The following BCAS3 variants were observed in gnomAD, a reference collection of about 807,000 sequenced individuals.
BCAS3 encodes the protein BCAS4/BCAS3 fusion.
Under a neutral mutation model 116.1 loss-of-function variants are expected in BCAS3, and 53 were observed. The observed-to-expected ratio is 0.46, with a 90% CI of 0.37 to 0.57. The LOEUF (loss-of-function observed/expected upper bound fraction) is 0.57, where lower values mean the gene tolerates loss of function less well. BCAS3 is among the 20% of genes least tolerant of loss of function. BCAS3 has a pLI of 0.00. For synonymous variants in BCAS3, 391 were observed against 408.2 expected (o/e 0.96, Z 0.51); for missense variants, 917 against 1,165.4 (o/e 0.79, Z 3.10).
At position 61,029,819 on chromosome 17, in the gene BCAS3, C is replaced by G. The variant is rs572151593; in HGVS notation, c.1638-4847C>G. Reference sequence around the variant, plus strand: ...AGTTTTGATCAAGCTATAAACAGTTCATGTAAACTAATCTTGTTCTCTTAA... The same window carrying G: ...AGTTTTGATCAAGCTATAAACAGTTGATGTAAACTAATCTTGTTCTCTTAA... On this transcript the variant is annotated intron_variant, in intron 16 of 23. Transcript: ENST00000407086. This position sits in a 1 kb window ranked among gnomAD's most constrained non-coding sequence, Gnocchi z 5.2. Among the ~76,000 whole-genome samples, 7 of 151,968 alleles carry G rather than the reference C, an allele frequency of 4.6e-5. No individual in the cohort carries two copies. The highest frequency in any genetic ancestry group is 1.4e-4 in the African/African-American group (6 of 41,512).
chr17:61,086,553 T>C (rs955142191), intron 22 of BCAS3: 5 of 370,314 alleles, frequency 1.4e-5, no homozygotes, highest in Non-Finnish European at 1.9e-5. Flanking sequence ...AATAATCTGA[T>C]ATGTAAGTAG....
rs2054789267 is a variant in BCAS3 at position 61,316,865 on chromosome 17, T to TC, written c.2426-51458dup. ...CAGTTGCAATTTATGTTTAGCGGTTTCCCCACTAAGGAATTCCTCGTGTAT... is the reference window on the plus strand; with the variant it reads ...CAGTTGCAATTTATGTTTAGCGGTTTCCCCCACTAAGGAATTCCTCGTGTAT... On this transcript the variant is annotated intron_variant, in intron 22 of 23. Transcript: ENST00000407086. The surrounding 1 kb of genome is among the most constrained non-coding windows in gnomAD (Gnocchi z 5.8). Among the ~76,000 whole-genome samples, 2 of 152,300 alleles carry TC rather than the reference T, an allele frequency of 1.3e-5. No individual in the cohort carries two copies. The highest frequency in any genetic ancestry group is 4.8e-5 in the African/African-American group (2 of 41,566).
rs751530674 is a variant in BCAS3, at chr17:61,380,581, G to A, written c.2594-11396G>A. ...GCAGTGAAGTGTTTTGGTATGTAAC[G>A]TCCTATCTTTGCCTATGTGGAAGGG... On this transcript the variant is annotated intron_variant, in intron 23 of 23. Coordinates refer to ENST00000407086, the MANE Select transcript of BCAS3 (RefSeq NM_017679.5). The surrounding 1 kb of genome is among the most constrained non-coding windows in gnomAD (Gnocchi z 4.2). 11 of 1,596,718 alleles carry A rather than the reference G, an allele frequency of 6.9e-6. No individual in the cohort carries two copies. The Admixed American group carries it at 1.0e-4, about 15-fold the overall frequency.
rs981067012 is a variant in BCAS3, at chr17:61,278,323, G to T, written c.2426-90004G>T. Among the ~76,000 whole-genome samples the T allele has an allele frequency of 6.6e-6, 1 of 152,180 alleles. No individual in the cohort carries two copies. The highest frequency in any genetic ancestry group is 2.4e-5 in the African/African-American group (1 of 41,434). On this transcript the variant is annotated intron_variant, in intron 22 of 23. Coordinates refer to ENST00000407086, the MANE Select transcript of BCAS3 (RefSeq NM_017679.5). The surrounding 1 kb of genome is among the most constrained non-coding windows in gnomAD (Gnocchi z 5.8). Reference sequence around the variant, plus strand: ...CTCAAAGTGCTGGGATTACAGGCATGAGCCACCGTTCCCAGATAATTTTTG... The same window carrying T: ...CTCAAAGTGCTGGGATTACAGGCATTAGCCACCGTTCCCAGATAATTTTTG...
Position 61,282,956 on chromosome 17 carries a change from T to C in BCAS3, c.2426-85371T>C, listed in dbSNP as rs1226622110. On this transcript the variant is annotated intron_variant, in intron 22 of 23. Transcript: ENST00000407086. The surrounding 1 kb of genome is among the most constrained non-coding windows in gnomAD (Gnocchi z 5.9). ...TTGTATATTATATATAATACATATT[T>C]TATATTTTTATATATAAATTTTTTT... 1.3e-5 allele frequency among the ~76,000 whole-genome samples: 2 copies of C among 150,148 alleles called. No individual in the cohort carries two copies. The highest frequency in any genetic ancestry group is 4.9e-5 in the African/African-American group (2 of 41,140).
chr17:60,909,828 A>G (rs2058393201), intron 11 of BCAS3, among the ~76,000 whole-genome samples: 1 of 152,194 alleles, frequency 6.6e-6, no homozygotes, highest in South Asian at 2.1e-4. Flanking sequence ...TGGAGCTAAA[A>G]TGTAATTATA....
At position 61,023,241 on chromosome 17, in the gene BCAS3, A is replaced by G. The variant is rs1231247768; in HGVS notation, c.1637+7340A>G. ...ATTAGCATCCCTAGAATTTATTTTT[A>G]GAGAAATATGGCTCTGCTTCAATAT... On this transcript the variant is annotated intron_variant, in intron 16 of 23. Transcript: ENST00000407086. The surrounding 1 kb of genome is among the most constrained non-coding windows in gnomAD (Gnocchi z 4.8). 6.6e-6 allele frequency among the ~76,000 whole-genome samples: 1 copy of G among 152,224 alleles called. No homozygotes were observed. Among genetic ancestry groups the G allele is most frequent in the African/African-American group, 2.4e-5 (1 of 41,464 alleles).
Position 61,056,287 on chromosome 17 carries a change from C to T in BCAS3, c.2029+15395C>T, listed in dbSNP as rs7223125. ...GTGTCAACTGAAGGACAGCCTTCCGCGAGTTGGAGTCTTGACCACCAGTAA... is the reference window on the plus strand; with the variant it reads ...GTGTCAACTGAAGGACAGCCTTCCGTGAGTTGGAGTCTTGACCACCAGTAA... On this transcript the variant is annotated intron_variant, in intron 19 of 23. Coordinates refer to ENST00000407086, the MANE Select transcript of BCAS3 (RefSeq NM_017679.5). This position sits in a 1 kb window ranked among gnomAD's most constrained non-coding sequence, Gnocchi z 4.9. 0.041 allele frequency among the ~76,000 whole-genome samples: 6,280 copies of T among 152,164 alleles called. 463 individuals are homozygous for T. The highest frequency in any genetic ancestry group is 0.14 in the African/African-American group (5,905 of 41,478).
In BCAS3 at chr17:61,051,489, G is replaced by C. The variant is rs1240699554; in HGVS notation, c.2029+10597G>C. The stretch of plus-strand genomic sequence containing the variant: ...TCATTATATCTGAATAAAGTCTCTG[G>C]ATTGTATCAATGGTGATTTTCTGAT... On this transcript the variant is annotated intron_variant, in intron 19 of 23. Coordinates refer to ENST00000407086, the MANE Select transcript of BCAS3 (RefSeq NM_017679.5). The surrounding 1 kb of genome is among the most constrained non-coding windows in gnomAD (Gnocchi z 4.1). 1.3e-5 allele frequency among the ~76,000 whole-genome samples: 2 copies of C among 152,174 alleles called. No homozygotes were observed. The highest frequency in any genetic ancestry group is 1.5e-5 in the Non-Finnish European group (1 of 68,042).
intron 19 of BCAS3, among the ~76,000 whole-genome samples, chr17:61,047,159 A>G (rs550458617): frequency 1.3e-5 from 2 of 152,088 alleles, no homozygotes; most frequent in African/African-American, 4.8e-5. Flanking sequence ...TATTAATTGA[A>G]TGGAATGACC....
At chr17:61,057,761 A>G (rs1362885404) in intron 19 of BCAS3, among the ~76,000 whole-genome samples, 4 of 152,138 alleles carry the variant, frequency 2.6e-5, no homozygotes, top group African/African-American at 9.7e-5. Flanking sequence ...GAAACAAAGC[A>G]GCCTGTGCTA....
At chr17:61,117,199 C>T (rs2075522918) in intron 22 of BCAS3, among the ~76,000 whole-genome samples, 1 of 152,138 alleles carries the variant, frequency 6.6e-6, no homozygotes, top group Admixed American at 6.6e-5. Context: ...TTCTATTGCT[C>T]CATGTTACAG....
chr17:60,830,575 T>A (rs1194866558), intron 7 of BCAS3, among the ~76,000 whole-genome samples: 1 of 152,182 alleles, frequency 6.6e-6, no homozygotes, highest in African/African-American at 2.4e-5. Context: ...GCTATACTTT[T>A]TTTCTTTATT....
At chr17:60,969,999 G>GGCACAT (rs2061865625) in intron 14 of BCAS3, among the ~76,000 whole-genome samples, 1 of 152,172 alleles carries the variant, frequency 6.6e-6, no homozygotes, top group South Asian at 2.1e-4. Flanking sequence ...TTATGCTAAT[G>GGCACAT]GCACATAATA....
Position 61,180,884 on chromosome 17 carries a change from A to G in BCAS3, c.2425+96320A>G, listed in dbSNP as rs1412985313. On this transcript the variant is annotated intron_variant, in intron 22 of 23. Coordinates refer to ENST00000407086, the MANE Select transcript of BCAS3 (RefSeq NM_017679.5). The surrounding 1 kb of genome is among the most constrained non-coding windows in gnomAD (Gnocchi z 6.0). ...TCTTATCTTTTGTCATTGCATCCCT[A>G]GTTAGAATAGTCCCTGATGGATTAT... Among the ~76,000 whole-genome samples, 4 of 152,280 alleles carry G rather than the reference A, an allele frequency of 2.6e-5. No individual in the cohort carries two copies. In the East Asian group the frequency reaches 5.8e-4, roughly 22 times the overall value.
chr17:60,824,038 C>T (rs2050176699), intron 7 of BCAS3, among the ~76,000 whole-genome samples: 2 of 152,328 alleles, frequency 1.3e-5, no homozygotes, highest in Admixed American at 6.5e-5. Flanking sequence ...AGTCACTTCT[C>T]ACTTTGACTA....
rs2082002237 is a variant in BCAS3 at position 61,219,746 on chromosome 17, T to C, written c.2425+135182T>C. 6.6e-6 allele frequency among the ~76,000 whole-genome samples: 1 copy of C among 152,112 alleles called. No homozygotes were observed. The highest frequency in any genetic ancestry group is 6.6e-5 in the Admixed American group (1 of 15,266). ...TCTTTTCTCATCCAGCTGCTGCTTGTTTAGATGGCCGCCTTCCTGGTGACA... is the reference window on the plus strand; with the variant it reads ...TCTTTTCTCATCCAGCTGCTGCTTGCTTAGATGGCCGCCTTCCTGGTGACA... On this transcript the variant is annotated intron_variant, in intron 22 of 23. Coordinates refer to ENST00000407086, the MANE Select transcript of BCAS3 (RefSeq NM_017679.5). This position sits in a 1 kb window ranked among gnomAD's most constrained non-coding sequence, Gnocchi z 5.2.
At chr17:60,890,395 G>A (rs2057061951) in intron 10 of BCAS3, among the ~76,000 whole-genome samples, 1 of 152,052 alleles carries the variant, frequency 6.6e-6, no homozygotes, top group Non-Finnish European at 1.5e-5. Flanking sequence ...TGGAGGTTGT[G>A]GTGAGCTGAG....
At position 61,316,480 on chromosome 17, in the gene BCAS3, C is replaced by G. The variant is rs1324658628; in HGVS notation, c.2426-51847C>G. 1.3e-5 allele frequency among the ~76,000 whole-genome samples: 2 copies of G among 152,116 alleles called. No individual in the cohort carries two copies. Among genetic ancestry groups the G allele is most frequent in the East Asian group, 1.9e-4 (1 of 5,182 alleles). Reference sequence around the variant, plus strand: ...CCCTGAGATGTCCCCGGACATGCCCCTCACCCAGCACCTCTGCCCTCCTAT... The same window carrying G: ...CCCTGAGATGTCCCCGGACATGCCCGTCACCCAGCACCTCTGCCCTCCTAT... On this transcript the variant is annotated intron_variant, in intron 22 of 23. Transcript: ENST00000407086. This position sits in a 1 kb window ranked among gnomAD's most constrained non-coding sequence, Gnocchi z 5.8.
Sources: allele counts gnomAD v4.1 joint callset (sites outside exome capture counted in the v4.1 genomes callset), GRCh38; gene constraint gnomAD v4.1.1; non-coding constraint Gnocchi (gnomAD v3.1); transcripts MANE v1.5; gene names NCBI Gene and HGNC (gene_info 2026-07-23, HGNC 2026-07-21).